The following NBEAL2 variants were observed in gnomAD, a reference collection of about 807,000 sequenced individuals.
The protein encoded by NBEAL2 is neurobeachin like 2, also known as neurobeachin-like protein 2.
A neutral mutation model predicts 299.8 loss-of-function variants in NBEAL2; 160 were observed. That is an observed-to-expected ratio of 0.53 (90% CI 0.47 to 0.61). The LOEUF (loss-of-function observed/expected upper bound fraction) is 0.61, where lower values mean the gene tolerates loss of function less well. Among genes scored for constraint, NBEAL2 ranks in the 20% least tolerant of loss-of-function variants. The pLI, the probability that NBEAL2 is intolerant of heterozygous loss-of-function variation, is 0.00. For missense variants in NBEAL2, 3,112 were observed against 3,649.0 expected (o/e 0.85, Z 3.79); for synonymous variants, 1,493 against 1,542.3 (o/e 0.97, Z 0.75).
Position 46,988,913 on chromosome 3 carries a change from A to T in NBEAL2, c.212A>T (p.His71Leu). 1 of 1,613,058 alleles carries T rather than the reference A, an allele frequency of 6.2e-7. No homozygotes were observed. Among genetic ancestry groups the T allele is most frequent in the Non-Finnish European group, 8.5e-7 (1 of 1,179,378 alleles). Reference protein sequence around the residue: ...DELHVLAEQLHQADLEQALLL... With the variant: ...DELHVLAEQLLQADLEQALLL... ...CTGCATGTGCTGGCCGAACAGCTGC[A>T]CCAGGCTGACCTGGAGCAAGCCCTC... is the stretch of plus-strand genomic sequence containing the variant. Residue 71 changes from histidine to leucine, a missense_variant, in exon 3 of 54, where the codon CAC becomes CTC. Physicochemically the swap from His to Leu is moderately conservative, Grantham distance 99 (BLOSUM62 -3). Transcript: ENST00000450053. This position sits in a 1 kb window ranked among gnomAD's most constrained non-coding sequence, Gnocchi z 4.4.
Position 47,002,197 on chromosome 3 carries a change from C to T in NBEAL2, c.5060C>T (p.Ser1687Phe). 6.6e-7 allele frequency: 1 copy of T among 1,526,292 alleles called. No homozygotes were observed. Among genetic ancestry groups the T allele is most frequent in the Non-Finnish European group, 8.8e-7 (1 of 1,132,980 alleles). 94.5% of individuals were successfully genotyped at this position (1,526,292 alleles called of 1,614,324 possible). ...EPLGLQWGLP[S>F]LPPTNGSPTF... ...CTGGGGCTGCAGTGGGGACTGCCCT[C>T]CCTGCCACCCACCAATGGCAGCCCC... is the stretch of plus-strand genomic sequence containing the variant. Residue 1687 changes from serine to phenylalanine, a missense_variant, in exon 31 of 54, where the codon TCC becomes TTC. Around this residue, in one of 3 missense-constraint regions of NBEAL2, gnomAD observed 2,243 missense variants for 2,538.1 expected, o/e 0.88. Transcript: ENST00000450053.
chr3:46,984,338 AGGGGATG>A (rs925006804), intron 1 of NBEAL2, among the ~76,000 whole-genome samples: 30 of 152,224 alleles, frequency 2.0e-4, no homozygotes, highest in Middle Eastern at 3.4e-3. Flanking sequence ...CAATAGTACA[AGGGGATG>A]GTCAGGCCCT....
In NBEAL2 at chr3:47,001,175, C is replaced by A. The variant is rs756682216; in HGVS notation, c.4480C>A (p.Arg1494Ser). The A allele has an allele frequency of 1.2e-6, 2 of 1,609,952 alleles. No individual in the cohort carries two copies. Among genetic ancestry groups the A allele is most frequent in the Non-Finnish European group, 1.7e-6 (2 of 1,177,352 alleles). The change falls in exon 28 of 54, where the codon CGC becomes AGC. Residue 1494 changes from arginine (R) to serine (S), a missense_variant. This residue lies in a region of NBEAL2 where 2,243 missense variants were observed against 2,538.1 expected (regional missense o/e 0.88). Coordinates refer to ENST00000450053, the MANE Select transcript of NBEAL2 (RefSeq NM_015175.3). The surrounding 1 kb of genome is among the most constrained non-coding windows in gnomAD (Gnocchi z 6.1). ...TGTGCGCCCACCAGACTGCATCAAG[C>A]GCAGGTGAGAGGGAAAGTCTGGAGG... Reference protein sequence around the residue: ...TLVRPPDCIKRSLLEMMLESA... With the variant: ...TLVRPPDCIKSSLLEMMLESA...
intron 15 of NBEAL2, 56 bp downstream of exon 15, chr3:46,996,107 G>A (rs1323324767): frequency 6.4e-7 from 1 of 1,558,748 alleles, no homozygotes; most frequent in Non-Finnish European, 8.7e-7. Context: ...TTGGAACACA[G>A]TGGGCAGGTG....
chr3:46,997,193 G>C, intron 18 of NBEAL2, 66 bp from the exon 19 acceptor site: 1 of 1,595,644 alleles, frequency 6.3e-7, no homozygotes, highest in East Asian at 2.2e-5. Context: ...TGGGTGGTCT[G>C]CTGGGGTGGA....
intron 1 of NBEAL2, among the ~76,000 whole-genome samples, chr3:46,980,441 C>T (rs1042518401): frequency 6.6e-6 from 1 of 152,048 alleles, no homozygotes; most frequent in African/African-American, 2.4e-5. Flanking sequence ...TGAGTTGCAT[C>T]CCCCCACACC....
At chr3:47,006,637 A>G (rs530614727) in intron 45 of NBEAL2, among the ~76,000 whole-genome samples, 188 bp downstream of exon 45, 3 of 152,308 alleles carry the variant, frequency 2.0e-5, no homozygotes, top group East Asian at 1.9e-4. Flanking sequence ...GGGCCAGGAT[A>G]AAGTGTCGAC....
In NBEAL2 at chr3:47,003,050, C is replaced by T; in HGVS notation, c.5553C>T (p.His1851=). The part of the protein sequence containing the change: ...KLVPNHHFDP[H]LEASALRDNL... ...TGCCCAACCATCACTTCGACCCTCA[C>T]CTGGAAGCCAGCGCTCTCCGAGACA... The change falls in exon 34 of 54, where the codon CAC becomes CAT. Residue 1851 remains histidine (H), a synonymous_variant. Coordinates refer to ENST00000450053, the MANE Select transcript of NBEAL2 (RefSeq NM_015175.3). The surrounding 1 kb of genome is among the most constrained non-coding windows in gnomAD (Gnocchi z 7.0). 2 of 1,612,844 alleles carry T rather than the reference C, an allele frequency of 1.2e-6. No homozygotes were observed. The highest frequency in any genetic ancestry group is 1.7e-6 in the Non-Finnish European group (2 of 1,179,510).
In NBEAL2 at chr3:46,995,534, G is replaced by T; in HGVS notation, c.1799G>T (p.Gly600Val). 6.2e-7 allele frequency: 1 copy of T among 1,612,840 alleles called. No individual in the cohort carries two copies. Among genetic ancestry groups the T allele is most frequent in the East Asian group, 2.2e-5 (1 of 44,888 alleles). ...IMVPPVQRWP[G>V]PGFTFHAWLC... ...GTACCCCCTGTACAGCGATGGCCAGGGCCTGGCTTCACCTTTCATGCCTGG... is the reference window on the plus strand; with the variant it reads ...GTACCCCCTGTACAGCGATGGCCAGTGCCTGGCTTCACCTTTCATGCCTGG... The change falls in exon 13 of 54, where the codon GGG (glycine) becomes GTG (valine). Residue 600 changes from glycine (G) to valine (V), a missense_variant. Transcript: ENST00000450053.
chr3:46,994,005 C>CT lies in NBEAL2; in HGVS notation c.1183dup (p.Ser395PhefsTer9), dbSNP rs750391765. 1 of 1,611,000 alleles carries CT rather than the reference C, an allele frequency of 6.2e-7. No individual in the cohort carries two copies. Among genetic ancestry groups the CT allele is most frequent in the Non-Finnish European group, 8.5e-7 (1 of 1,178,906 alleles). On this transcript the variant is annotated frameshift_variant, in exon 11 of 54. Transcript: ENST00000450053. LOFTEE classifies it high-confidence loss of function. ...GAGTGCTGACCTGCATCATGAGTGA[C>CT]TCCCCCTCGGCCAAGGTGAGGCTGC...
Position 46,996,037 on chromosome 3 carries a change from C to T in NBEAL2, c.2137C>T (p.Pro713Ser). 1.2e-6 allele frequency: 2 copies of T among 1,607,866 alleles called. No homozygotes were observed. The highest frequency in any genetic ancestry group is 1.7e-6 in the Non-Finnish European group (2 of 1,177,376). Residue 713 changes from proline (P) to serine (S), a missense_variant, in exon 15 of 54, where the codon CCC (proline) becomes TCC (serine). By Grantham distance (74) the Pro-to-Ser change is moderately conservative (BLOSUM62 -1). Transcript: ENST00000450053. ...GGTCAAGACAGCACCCCTTCGCTGCCCCTCCCTCAGTGAGGTGTGCCAAGC... is the reference window on the plus strand; with the variant it reads ...GGTCAAGACAGCACCCCTTCGCTGCTCCTCCCTCAGTGAGGTGTGCCAAGC... ...HLVKTAPLRC[P>S]SLSEPFSSCC...
Position 47,004,144 on chromosome 3 carries a change from G to T in NBEAL2, c.5949G>T (p.Leu1983=), listed in dbSNP as rs1024977772. 1.2e-6 allele frequency: 2 copies of T among 1,613,584 alleles called. No homozygotes were observed. The highest frequency in any genetic ancestry group is 2.7e-5 in the African/African-American group (2 of 74,874). ...LREVHLRRFN[L]RRSALELFFI... ...AGGTCCACCTGCGGCGTTTCAACCT[G>T]CGCCGTTCAGCACTTGAGCTCTTCT... The change falls in exon 37 of 54, where the codon CTG becomes CTT. Residue 1983 remains leucine (L), a synonymous_variant. Transcript: ENST00000450053. The surrounding 1 kb of genome is among the most constrained non-coding windows in gnomAD (Gnocchi z 5.0).
rs1368925731 is a variant in NBEAL2 at position 47,009,529 on chromosome 3, G to C, written c.*209G>C. The C allele has an allele frequency of 1.7e-6, 1 of 591,462 alleles. No homozygotes were observed. The highest frequency in any genetic ancestry group is 3.0e-5 in the Admixed American group (1 of 33,198). 36.6% of individuals were successfully genotyped at this position (591,462 alleles called of 1,614,324 possible). ...CCCTCGCCGGCTGAGGGGCCGCCCTGAGGGCCAGCACTGGCGTCTGCGGCC... is the reference window on the plus strand; with the variant it reads ...CCCTCGCCGGCTGAGGGGCCGCCCTCAGGGCCAGCACTGGCGTCTGCGGCC... On this transcript the variant is annotated 3_prime_UTR_variant, in exon 54 of 54. Coordinates refer to ENST00000450053, the MANE Select transcript of NBEAL2 (RefSeq NM_015175.3).
At chr3:46,987,758 G>A (rs1242181658) in intron 1 of NBEAL2, among the ~76,000 whole-genome samples, 3 of 152,146 alleles carry the variant, frequency 2.0e-5, no homozygotes, top group Non-Finnish European at 4.4e-5. Context: ...CCTCATGCTT[G>A]TAAAACTAGT....
rs373929403 is a variant in NBEAL2, at chr3:47,004,440, C to G, written c.6198+47C>G. 1 of 1,596,842 alleles carries G rather than the reference C, an allele frequency of 6.3e-7. No homozygotes were observed. The highest frequency in any genetic ancestry group is 1.3e-5 in the African/African-American group (1 of 74,682). ...GATGTGAAGTCGGGACCCTGAATCA[C>G]GGGGCAGTGCTGGACAGCCCACCTG... On this transcript the variant is annotated intron_variant, in intron 37 of 53. Transcript: ENST00000450053. This position sits in a 1 kb window ranked among gnomAD's most constrained non-coding sequence, Gnocchi z 5.0.
At chr3:46,997,905 G>A (rs532049227) in intron 20 of NBEAL2, among the ~76,000 whole-genome samples, 162 bp from the exon 21 acceptor site, 2 of 152,362 alleles carry the variant, frequency 1.3e-5, no homozygotes, top group African/African-American at 4.8e-5. Flanking sequence ...CAGGCAGGAG[G>A]CTTGCGTGTC....
Position 46,996,999 on chromosome 3 carries a change from C to T in NBEAL2, c.2602C>T (p.Leu868Phe). The change falls in exon 18 of 54, where the codon CTT becomes TTT. Residue 868 changes from leucine to phenylalanine, a missense_variant. Coordinates refer to ENST00000450053, the MANE Select transcript of NBEAL2 (RefSeq NM_015175.3). Reference sequence around the variant, plus strand: ...CCTGGACCTGTCCCCCAGTCATGGGCTTGATGGGCGCCTGACGGGCCACAG... The same window carrying T: ...CCTGGACCTGTCCCCCAGTCATGGGTTTGATGGGCGCCTGACGGGCCACAG... The part of the protein sequence containing the change: ...ICLDLSPSHG[L>F]DGRLTGHRVE... 2 of 1,613,454 alleles carry T rather than the reference C, an allele frequency of 1.2e-6. No homozygotes were observed. The highest frequency in any genetic ancestry group is 2.7e-5 in the African/African-American group (2 of 75,060).
intron 1 of NBEAL2, among the ~76,000 whole-genome samples, chr3:46,987,803 C>T (rs769751133): frequency 2.0e-5 from 3 of 152,190 alleles, no homozygotes; most frequent in Non-Finnish European, 4.4e-5. Flanking sequence ...ACAGGTGACT[C>T]CACCCCTCTG....
Position 46,996,568 on chromosome 3 carries a change from G to A in NBEAL2, c.2449G>A (p.Ala817Thr). 1 of 1,536,438 alleles carries A rather than the reference G, an allele frequency of 6.5e-7. No homozygotes were observed. The highest frequency in any genetic ancestry group is 8.8e-7 in the Non-Finnish European group (1 of 1,138,988). Reference sequence around the variant, plus strand: ...CTTTCACGAAGCCCTGCAGGCGACGGCTCTGAGGACCCTGTGCACCCTGGG... The same window carrying A: ...CTTTCACGAAGCCCTGCAGGCGACGACTCTGAGGACCCTGTGCACCCTGGG... ...AIFHEALQAT[A>T]LRTLCTLGPN... is the part of the protein sequence containing the mutation. The change falls in exon 16 of 54, where the codon GCT becomes ACT. Residue 817 changes from alanine (A) to threonine (T), a missense_variant. Ala to Thr is a moderately conservative substitution (Grantham distance 58). Around this residue, in one of 3 missense-constraint regions of NBEAL2, gnomAD observed 2,243 missense variants for 2,538.1 expected, o/e 0.88. Coordinates refer to ENST00000450053, the MANE Select transcript of NBEAL2 (RefSeq NM_015175.3).
Sources: gnomAD v4.1 joint callset for allele counts (sites outside exome capture counted in the v4.1 genomes callset) on GRCh38, gnomAD v4.1.1 for gene constraint, gnomAD v4.1.1 regional missense constraint, Gnocchi (gnomAD v3.1) non-coding constraint, MANE v1.5 for transcripts, NCBI Gene and HGNC (gene_info 2026-07-23, HGNC 2026-07-21) for gene names.